Variants in MALRD1 observed in about 807,000 individuals in gnomAD.
MALRD1 encodes the protein MAM and LDL-receptor class A domain-containing protein 1.
In MALRD1, 247 loss-of-function variants were observed where a neutral mutation model predicts 242.1. That is an observed-to-expected ratio of 1.02 (90% CI 0.92 to 1.13). The LOEUF (loss-of-function observed/expected upper bound fraction) is 1.13, where lower values mean the gene tolerates loss of function less well. Ranked by LOEUF, MALRD1 falls within the 50% of genes most tolerant of loss-of-function variation. The pLI, the probability that MALRD1 is intolerant of heterozygous loss-of-function variation, is 0.00. For synonymous variants in MALRD1, 995 were observed against 866.6 expected, an observed-to-expected ratio of 1.15 and a Z score of -2.60; for missense variants, 2,989 against 2,533.1, an observed-to-expected ratio of 1.18 and a Z score of -3.86.
At chr10:19,173,313 A>G (rs1835091064) in intron 13 of MALRD1, among the ~76,000 whole-genome samples, 1 of 152,030 alleles carries the variant, frequency 6.6e-6, no homozygotes, top group Non-Finnish European at 1.5e-5. Flanking sequence ...GATAGATATT[A>G]TTTTTAACTG....
intron 28 of MALRD1, among the ~76,000 whole-genome samples, chr10:19,431,328 C>A (rs1259973052): frequency 6.6e-6 from 1 of 151,068 alleles, no homozygotes; most frequent in African/African-American, 2.4e-5. Context: ...TTCAGTATAT[C>A]TTTCTAATTC....
chr10:19,704,737 A>T (rs1564555562), intron 38 of MALRD1, among the ~76,000 whole-genome samples: 1 of 152,218 alleles, frequency 6.6e-6, no homozygotes, highest in Non-Finnish European at 1.5e-5. Context: ...ATGTTCAGTT[A>T]TAATATATGT....
intron 33 of MALRD1, among the ~76,000 whole-genome samples, chr10:19,580,973 T>C (rs1247720426): frequency 6.6e-6 from 1 of 152,146 alleles, no homozygotes; most frequent in Admixed American, 6.5e-5. Context: ...TCTAGGAATA[T>C]TTAAGCTGTT....
chr10:19,698,301 C>G (rs1833465481), intron 38 of MALRD1, among the ~76,000 whole-genome samples: 1 of 152,122 alleles, frequency 6.6e-6, no homozygotes, highest in Non-Finnish European at 1.5e-5. Context: ...CCCTCATACA[C>G]AAGTATCACA....
At chr10:19,420,845 A>G (rs1483321701) in intron 28 of MALRD1, among the ~76,000 whole-genome samples, 1 of 152,222 alleles carries the variant, frequency 6.6e-6, no homozygotes, top group Non-Finnish European at 1.5e-5. Context: ...GGGCAACTCC[A>G]AAGTGGGGAA....
At chr10:19,693,405 A>C (rs1833203544) in intron 38 of MALRD1, among the ~76,000 whole-genome samples, 1 of 152,148 alleles carries the variant, frequency 6.6e-6, no homozygotes, top group South Asian at 2.1e-4. Flanking sequence ...ATGTGCAAAA[A>C]TCACAAGCAT....
intron 33 of MALRD1, among the ~76,000 whole-genome samples, chr10:19,586,590 T>G (rs1250196626): frequency 1.3e-5 from 2 of 152,174 alleles, no homozygotes; most frequent in Non-Finnish European, 2.9e-5. Context: ...CGTTCTCAGA[T>G]CTCTAGCTGT....
chr10:19,626,867 A>T (rs1172686383), intron 36 of MALRD1, among the ~76,000 whole-genome samples: 1 of 152,154 alleles, frequency 6.6e-6, no homozygotes, highest in Non-Finnish European at 1.5e-5. Flanking sequence ...TGAAATAGGC[A>T]GTTGGATTTT....
chr10:19,216,542 C>A (rs1472211419), intron 18 of MALRD1, among the ~76,000 whole-genome samples: 2 of 152,088 alleles, frequency 1.3e-5, no homozygotes, highest in East Asian at 3.9e-4. Flanking sequence ...ATTTCTTGAA[C>A]CTCAGATGTT....
intron 21 of MALRD1, among the ~76,000 whole-genome samples, chr10:19,286,319 C>A (rs899366237): frequency 9.8e-5 from 14 of 143,262 alleles, no homozygotes; most frequent in African/African-American, 3.8e-4. Context: ...AGAGGGCATC[C>A]CTGTCTTGTG....
chr10:19,109,927 A>G (rs1836615537), intron 5 of MALRD1, among the ~76,000 whole-genome samples: 1 of 152,140 alleles, frequency 6.6e-6, no homozygotes, highest in South Asian at 2.1e-4. Context: ...CTGATCTTTG[A>G]TGGGGGATGC....
intron 38 of MALRD1, among the ~76,000 whole-genome samples, chr10:19,712,627 T>G (rs929763448): frequency 6.6e-6 from 1 of 152,210 alleles, no homozygotes; most frequent in Non-Finnish European, 1.5e-5. Context: ...AACATTGAAT[T>G]AGTTTTCAAT....
At chr10:19,660,956 C>G (rs563615792) in intron 36 of MALRD1, among the ~76,000 whole-genome samples, 271 of 152,208 alleles carry the variant, frequency 1.8e-3, no homozygotes, top group Middle Eastern at 3.4e-3. Flanking sequence ...GTAACAACCC[C>G]ATCAAAAAGT....
At chr10:19,601,810 T>C (rs1265115606) in intron 34 of MALRD1, among the ~76,000 whole-genome samples, 1 of 152,046 alleles carries the variant, frequency 6.6e-6, no homozygotes, top group African/African-American at 2.4e-5. Flanking sequence ...GTTCAAAATA[T>C]ATGTTTTCAA....
At chr10:19,696,497 T>A (rs1296256573) in intron 38 of MALRD1, among the ~76,000 whole-genome samples, 1 of 152,164 alleles carries the variant, frequency 6.6e-6, no homozygotes, top group African/African-American at 2.4e-5. Context: ...TCTCTTCAGA[T>A]CTTCAGCCTG....
intron 38 of MALRD1, among the ~76,000 whole-genome samples, chr10:19,718,185 A>C (rs546509428): frequency 6.6e-6 from 1 of 151,852 alleles, no homozygotes; most frequent in Middle Eastern, 3.4e-3. Flanking sequence ...AGAAAGGAAA[A>C]AGAAGACGAA....
intron 18 of MALRD1, among the ~76,000 whole-genome samples, chr10:19,219,618 A>T (rs955509051): frequency 6.6e-6 from 1 of 152,034 alleles, no homozygotes; most frequent in Non-Finnish European, 1.5e-5. Flanking sequence ...AAATTTTTTT[A>T]TACATATGTT....
intron 12 of MALRD1, among the ~76,000 whole-genome samples, chr10:19,162,228 A>T (rs1834461545): frequency 6.6e-6 from 1 of 152,186 alleles, no homozygotes. Flanking sequence ...AAGGTCCCTA[A>T]GGACCTGTAA....
intron 32 of MALRD1, among the ~76,000 whole-genome samples, chr10:19,531,723 C>G (rs1037455207): frequency 1.3e-5 from 2 of 152,148 alleles, no homozygotes; most frequent in African/African-American, 4.8e-5. Context: ...ACCCAAAATT[C>G]AGTTAAGGAA....
Sources: gnomAD v4.1 joint callset for allele counts (sites outside exome capture counted in the v4.1 genomes callset) on GRCh38, gnomAD v4.1.1 for gene constraint, MANE v1.5 for transcripts, NCBI Gene and HGNC (gene_info 2026-07-23, HGNC 2026-07-21) for gene names.